DLGAP2: variants seen among roughly 807,000 people sequenced by gnomAD.
DLGAP2 encodes disks large-associated protein 2.
Under a neutral mutation model 100.3 loss-of-function variants are expected in DLGAP2, and 26 were observed. That is an observed-to-expected ratio of 0.26 (90% CI 0.19 to 0.36). DLGAP2 has a LOEUF of 0.36. Ranked by LOEUF, DLGAP2 falls within the 10% of genes least tolerant of loss-of-function variation. DLGAP2 has a pLI of 1.00. For missense variants in DLGAP2, 1,858 were observed against 1,453.2 expected (o/e 1.28, Z -4.53); for synonymous variants, 886 against 630.1 (o/e 1.41, Z -6.08).
At chr8:882,112 G>A (rs1045255973) in intron 1 of DLGAP2, among the ~76,000 whole-genome samples, 11 of 152,208 alleles carry the variant, frequency 7.2e-5, no homozygotes, top group African/African-American at 2.4e-4. Context: ...ACTTGAAATG[G>A]CTCCTTAATA....
At chr8:1,258,733 G>T (rs995875194) in intron 2 of DLGAP2, 118 bp from the exon 3 acceptor site, 8 of 865,680 alleles carry the variant, frequency 9.2e-6, no homozygotes, top group Non-Finnish European at 1.2e-5. Flanking sequence ...ACTGGCTCTG[G>T]TGTGGTCAAG....
intron 6 of DLGAP2, among the ~76,000 whole-genome samples, chr8:1,609,045 C>T (rs989452324): frequency 6.9e-6 from 1 of 145,690 alleles, no homozygotes; most frequent in Admixed American, 7.0e-5. Flanking sequence ...GAGAACGCCA[C>T]AAAGATACTC....
chr8:1,054,223 C>A (rs911707693), intron 2 of DLGAP2, among the ~76,000 whole-genome samples: 1 of 151,998 alleles, frequency 6.6e-6, no homozygotes, highest in Admixed American at 6.6e-5. Context: ...CGCATGCGCA[C>A]ACACATGTAT....
chr8:858,320 C>T (rs1294534284), intron 1 of DLGAP2, among the ~76,000 whole-genome samples: 3 of 152,254 alleles, frequency 2.0e-5, no homozygotes, highest in African/African-American at 4.8e-5. Context: ...GTGAAAGAAG[C>T]CTGTCGCAAA....
At chr8:1,343,773 G>A (rs559666665) in intron 3 of DLGAP2, among the ~76,000 whole-genome samples, 1 of 151,908 alleles carries the variant, frequency 6.6e-6, no homozygotes, top group African/African-American at 2.4e-5. Flanking sequence ...AGAGGCGGGG[G>A]CAGTGCTGTG....
chr8:873,085 C>A (rs1797628744), intron 1 of DLGAP2, among the ~76,000 whole-genome samples: 1 of 152,130 alleles, frequency 6.6e-6, no homozygotes, highest in Admixed American at 6.6e-5. Context: ...CACACATGCT[C>A]CCACATACTT....
chr8:1,112,782 T>C (rs1240473316), intron 2 of DLGAP2, among the ~76,000 whole-genome samples: 1 of 152,204 alleles, frequency 6.6e-6, no homozygotes, highest in Non-Finnish European at 1.5e-5. Flanking sequence ...ATGAAATCTT[T>C]GCTCATTCAG....
chr8:778,980 A>G (rs1407269084), intron 1 of DLGAP2, among the ~76,000 whole-genome samples: 2 of 152,134 alleles, frequency 1.3e-5, no homozygotes, highest in Non-Finnish European at 2.9e-5. Flanking sequence ...CTGCTGTGCT[A>G]GCAATCAGCG....
intron 2 of DLGAP2, among the ~76,000 whole-genome samples, chr8:1,074,051 T>C (rs34321586): frequency 2.2e-5 from 3 of 138,566 alleles, no homozygotes; most frequent in East Asian, 2.0e-4. Flanking sequence ...CAGGATTCAC[T>C]GTCACAGAAG....
intron 5 of DLGAP2, among the ~76,000 whole-genome samples, chr8:1,560,164 T>G (rs566783745): frequency 6.6e-6 from 1 of 152,346 alleles, no homozygotes; most frequent in African/African-American, 2.4e-5. Flanking sequence ...CCTGTAATCT[T>G]CATCTCCTAG....
chr8:1,424,190 A>T (rs115734961), intron 3 of DLGAP2, among the ~76,000 whole-genome samples: 2,040 of 152,246 alleles, frequency 0.013, 46 homozygotes, highest in African/African-American at 0.045. Flanking sequence ...AAGTTGAGAG[A>T]CCTCTAGAAA....
intron 10 of DLGAP2, among the ~76,000 whole-genome samples, chr8:1,671,202 A>G (rs1798682155): frequency 1.3e-5 from 2 of 152,178 alleles, no homozygotes; most frequent in Non-Finnish European, 2.9e-5. Context: ...TCTGCTTCTC[A>G]AAGAGGAGAA....
chr8:1,527,176 G>A (rs1213782537), intron 4 of DLGAP2, among the ~76,000 whole-genome samples: 1 of 152,230 alleles, frequency 6.6e-6, no homozygotes, highest in South Asian at 2.1e-4. Flanking sequence ...ACAAATCCGT[G>A]ACTGACATGG....
intron 3 of DLGAP2, among the ~76,000 whole-genome samples, chr8:1,285,129 C>G (rs1799896087): frequency 6.6e-6 from 1 of 152,060 alleles, no homozygotes; most frequent in Non-Finnish European, 1.5e-5. Flanking sequence ...TTCCACGTGG[C>G]TGGAATGAGG....
chr8:1,681,048 A>C (rs1563059162), intron 12 of DLGAP2, among the ~76,000 whole-genome samples: 1 of 152,056 alleles, frequency 6.6e-6, no homozygotes. Context: ...AGAGAGGAAA[A>C]AATTTAGGAG....
intron 4 of DLGAP2, among the ~76,000 whole-genome samples, chr8:1,542,981 T>C (rs1330333247): frequency 1.3e-5 from 2 of 152,246 alleles, no homozygotes; most frequent in Non-Finnish European, 2.9e-5. Context: ...AACGCCTTTC[T>C]GTGTGCTCTT....
At chr8:954,008 G>C (rs1422407448) in intron 2 of DLGAP2, among the ~76,000 whole-genome samples, 2 of 152,136 alleles carry the variant, frequency 1.3e-5, no homozygotes, top group African/African-American at 4.8e-5. Context: ...GACTTCTTTG[G>C]AGACACCAGC....
intron 3 of DLGAP2, among the ~76,000 whole-genome samples, chr8:1,319,510 C>G (rs1413883360): frequency 6.6e-6 from 1 of 152,160 alleles, no homozygotes; most frequent in Non-Finnish European, 1.5e-5. Flanking sequence ...GTGGAGCCAA[C>G]AGAGTGTTCA....
At chr8:1,428,016 C>T (rs1418296352) in intron 3 of DLGAP2, among the ~76,000 whole-genome samples, 1 of 151,810 alleles carries the variant, frequency 6.6e-6, no homozygotes, top group African/African-American at 2.4e-5. Flanking sequence ...AAAGTTCATA[C>T]ATGTATTTAT....
Sources: gnomAD v4.1 joint callset for allele counts (sites outside exome capture counted in the v4.1 genomes callset) on GRCh38, gnomAD v4.1.1 for gene constraint, MANE v1.5 for transcripts, NCBI Gene and HGNC (gene_info 2026-07-23, HGNC 2026-07-21) for gene names.